The following KDM4C variants were observed in gnomAD, a reference collection of about 807,000 sequenced individuals.
KDM4C encodes lysine demethylase 4C, also known as lysine-specific demethylase 4C.
KDM4C carries 81 observed loss-of-function variants against 129.3 expected under a neutral mutation model. That is an observed-to-expected ratio of 0.63 (90% CI 0.52 to 0.75). The LOEUF (loss-of-function observed/expected upper bound fraction) is 0.75, where lower values mean the gene tolerates loss of function less well. Ranked by LOEUF, KDM4C falls within the 30% of genes least tolerant of loss-of-function variation. KDM4C has a pLI of 0.00. For synonymous variants in KDM4C, 573 were observed against 456.1 expected, an observed-to-expected ratio of 1.26 and a Z score of -3.26; for missense variants, 1,457 against 1,304.0, an observed-to-expected ratio of 1.12 and a Z score of -1.81.
intron 1 of KDM4C, among the ~76,000 whole-genome samples, chr9:6,727,986 C>G (rs530745554): frequency 7.3e-5 from 11 of 150,114 alleles, no homozygotes; most frequent in African/African-American, 2.5e-4. Flanking sequence ...TTCCCCTCCC[C>G]CAATAAGACC....
intron 4 of KDM4C, among the ~76,000 whole-genome samples, chr9:6,847,156 C>G (rs144883909): frequency 2.2e-4 from 34 of 152,288 alleles, no homozygotes; most frequent in African/African-American, 7.9e-4. Flanking sequence ...TAGTTTGTGT[C>G]TAAATTTGCA....
At chr9:6,899,907 A>G (rs1817101711) in intron 8 of KDM4C, among the ~76,000 whole-genome samples, 1 of 152,218 alleles carries the variant, frequency 6.6e-6, no homozygotes, top group African/African-American at 2.4e-5. Flanking sequence ...AAATCAAGGC[A>G]TTATCTGCTT....
chr9:7,090,308 A>G (rs1160572819), intron 17 of KDM4C, among the ~76,000 whole-genome samples: 1 of 152,142 alleles, frequency 6.6e-6, no homozygotes, highest in Non-Finnish European at 1.5e-5. Context: ...TTTTTATTTT[A>G]TTTGAAAACA....
intron 9 of KDM4C, chr9:6,982,765 G>C (rs917084480): frequency 2.0e-5 from 3 of 152,190 alleles, no homozygotes; most frequent in African/African-American, 7.2e-5. Flanking sequence ...TTGGTTTCCA[G>C]GTATTAACCA....
At chr9:6,846,323 A>G (rs543994632) in intron 4 of KDM4C, among the ~76,000 whole-genome samples, 3 of 152,338 alleles carry the variant, frequency 2.0e-5, no homozygotes, top group Admixed American at 2.0e-4. Flanking sequence ...TACCTATTTT[A>G]TAGGATTGTT....
At chr9:6,897,387 C>T (rs563298747) in intron 8 of KDM4C, among the ~76,000 whole-genome samples, 1 of 152,250 alleles carries the variant, frequency 6.6e-6, no homozygotes, top group South Asian at 2.1e-4. Context: ...TTGTGTTTTC[C>T]CTCAATGAGG....
intron 5 of KDM4C, among the ~76,000 whole-genome samples, chr9:6,878,975 C>T (rs979116122): frequency 1.7e-4 from 26 of 152,130 alleles, no homozygotes; most frequent in African/African-American, 5.8e-4. Context: ...ATTAGCAGTG[C>T]CTTAAGCAAC....
intron 2 of KDM4C, among the ~76,000 whole-genome samples, chr9:6,802,228 G>C (rs1464876776): frequency 6.6e-6 from 1 of 152,020 alleles, no homozygotes; most frequent in Non-Finnish European, 1.5e-5. Flanking sequence ...TTAACAGAAA[G>C]ACTAAGAGTT....
intron 17 of KDM4C, among the ~76,000 whole-genome samples, chr9:7,061,649 G>A (rs150775195): frequency 2.6e-5 from 4 of 152,348 alleles, no homozygotes; most frequent in East Asian, 3.9e-4. Context: ...TGAGGCAGGA[G>A]GGCAGGTGGT....
chr9:6,867,017 A>ATATTTTTTTTTTTT (rs1265774550), intron 5 of KDM4C, among the ~76,000 whole-genome samples: 3 of 83,782 alleles, frequency 3.6e-5, no homozygotes, highest in Admixed American at 1.4e-4. Context: ...ATATATATAT[A>ATATTTTTTTTTTTT]TTTTTTTTTT....
intron 1 of KDM4C, among the ~76,000 whole-genome samples, chr9:6,791,450 T>C (rs2130862874): frequency 6.6e-6 from 1 of 152,242 alleles, no homozygotes; most frequent in South Asian, 2.1e-4. Flanking sequence ...CTCTAGACAG[T>C]TTGGAAGGTG....
intron 11 of KDM4C, among the ~76,000 whole-genome samples, chr9:6,987,704 G>A (rs1209716731): frequency 6.6e-6 from 1 of 152,086 alleles, no homozygotes; most frequent in East Asian, 1.9e-4. Context: ...ATACTTTTCT[G>A]ATTTGACCCA....
intron 19 of KDM4C, among the ~76,000 whole-genome samples, chr9:7,132,301 T>G (rs1840727045): frequency 6.6e-6 from 1 of 152,236 alleles, no homozygotes; most frequent in Non-Finnish European, 1.5e-5. Flanking sequence ...AATCCTTTAA[T>G]GCAGGCTGGC....
chr9:6,909,427 G>C (rs532495577), intron 8 of KDM4C, among the ~76,000 whole-genome samples: 3 of 152,266 alleles, frequency 2.0e-5, no homozygotes, highest in African/African-American at 7.2e-5. Context: ...ATCTGATCTA[G>C]CACATCCAGT....
At chr9:7,114,184 C>T (rs1262120789) in intron 18 of KDM4C, among the ~76,000 whole-genome samples, 1 of 152,008 alleles carries the variant, frequency 6.6e-6, no homozygotes, top group African/African-American at 2.4e-5. Context: ...TCCTTTAGGC[C>T]TGGTTCATGG....
chr9:6,789,246 G>A (rs565882841), intron 1 of KDM4C, among the ~76,000 whole-genome samples: 1 of 134,250 alleles, frequency 7.4e-6, no homozygotes, highest in African/African-American at 2.8e-5. Flanking sequence ...TTGAGATGGC[G>A]TTTTGCTCTT....
intron 8 of KDM4C, among the ~76,000 whole-genome samples, chr9:6,960,155 C>T (rs911366710): frequency 2.0e-5 from 3 of 152,142 alleles, no homozygotes; most frequent in African/African-American, 4.8e-5. Flanking sequence ...TCCCCATTCC[C>T]TCTCTACTCC....
chr9:6,745,402 C>T (rs1461268245), intron 1 of KDM4C, among the ~76,000 whole-genome samples: 1 of 151,802 alleles, frequency 6.6e-6, no homozygotes, highest in African/African-American at 2.4e-5. Context: ...GGTTCATGAC[C>T]AGCCTGGGCA....
chr9:7,105,828 A>G (rs1369225082), intron 18 of KDM4C, among the ~76,000 whole-genome samples: 3 of 152,212 alleles, frequency 2.0e-5, no homozygotes, highest in African/African-American at 7.2e-5. Context: ...GGTTCAGTCA[A>G]GTTTAGGTTA....
Sources: allele counts gnomAD v4.1 joint callset (sites outside exome capture counted in the v4.1 genomes callset), GRCh38; gene constraint gnomAD v4.1.1; transcripts MANE v1.5; gene names NCBI Gene and HGNC (gene_info 2026-07-23, HGNC 2026-07-21).